Variants in CPED1 observed in about 807,000 individuals in gnomAD.
CPED1 encodes the protein cadherin like and PC-esterase domain containing 1, also known as cadherin-like and PC-esterase domain-containing protein 1.
In CPED1, 114 loss-of-function variants were observed where a neutral mutation model predicts 128.2. That is an observed-to-expected ratio of 0.89 (90% CI 0.76 to 1.04). The LOEUF is 1.04. Ranked by LOEUF, CPED1 falls within the 50% of genes least tolerant of loss-of-function variation. CPED1 has a pLI of 0.00. For missense variants in CPED1, 1,211 were observed against 1,207.1 expected (o/e 1.00, Z -0.05); for synonymous variants, 462 against 426.7 (o/e 1.08, Z -1.02).
chr7:121,154,718 G>A (rs1055303576), intron 16 of CPED1, among the ~76,000 whole-genome samples: 44 of 151,864 alleles, frequency 2.9e-4, no homozygotes, highest in Admixed American at 5.2e-4. Context: ...GCTAATTTTT[G>A]TATTTTTAGT....
intron 3 of CPED1, among the ~76,000 whole-genome samples, chr7:121,018,901 GCACCA>G (rs748056565): frequency 3.0e-4 from 46 of 152,034 alleles, no homozygotes; most frequent in Non-Finnish European, 6.5e-4. Context: ...CACTCACTTT[GCACCA>G]TCCTTTGAAG....
intron 22 of CPED1, among the ~76,000 whole-genome samples, chr7:121,293,868 C>T (rs959544406): frequency 2.0e-5 from 3 of 151,970 alleles, no homozygotes; most frequent in Non-Finnish European, 4.4e-5. Flanking sequence ...TGAGATGGAC[C>T]GGGTACCTCA....
intron 5 of CPED1, among the ~76,000 whole-genome samples, chr7:121,074,235 G>T (rs1033054642): frequency 5.3e-5 from 8 of 152,106 alleles, no homozygotes; most frequent in Non-Finnish European, 7.4e-5. Context: ...TTTAAAAGCA[G>T]TCTCTTACTG....
chr7:121,251,960 CTACTT>C (rs1226903302), intron 18 of CPED1, among the ~76,000 whole-genome samples: 2 of 151,778 alleles, frequency 1.3e-5, no homozygotes, highest in African/African-American at 2.4e-5. Context: ...TTGGAAAAAA[CTACTT>C]TAAAGTTCAT....
chr7:121,204,238 G>A (rs1454525153), intron 16 of CPED1, among the ~76,000 whole-genome samples: 1 of 152,030 alleles, frequency 6.6e-6, no homozygotes, highest in Non-Finnish European at 1.5e-5. Context: ...TTCTTGCTGG[G>A]GTGGCCAGAA....
chr7:121,057,405 CA>C (rs942100428), intron 4 of CPED1, among the ~76,000 whole-genome samples: 103 of 152,280 alleles, frequency 6.8e-4, no homozygotes, highest in Non-Finnish European at 1.3e-3. Flanking sequence ...AGGTACTGAG[CA>C]TAGTACCCTT....
chr7:121,191,021 T>A (rs1314140629), intron 16 of CPED1, among the ~76,000 whole-genome samples: 1 of 152,160 alleles, frequency 6.6e-6, no homozygotes, highest in East Asian at 1.9e-4. Context: ...GTTATAGTAT[T>A]GTTCCTTTAG....
intron 5 of CPED1, among the ~76,000 whole-genome samples, chr7:121,074,169 G>T (rs576044825): frequency 3.9e-5 from 6 of 152,208 alleles, no homozygotes; most frequent in South Asian, 4.2e-4. Context: ...TGCCTTCAAA[G>T]TGTAGAGCTC....
intron 3 of CPED1, among the ~76,000 whole-genome samples, chr7:121,022,231 A>T (rs990419439): frequency 4.6e-5 from 7 of 151,992 alleles, no homozygotes; most frequent in Non-Finnish European, 1.0e-4. Flanking sequence ...CACTCAGGAA[A>T]CTCATATTAA....
At chr7:121,291,748 A>G (rs926254545) in intron 22 of CPED1, among the ~76,000 whole-genome samples, 2 of 152,210 alleles carry the variant, frequency 1.3e-5, no homozygotes, top group African/African-American at 4.8e-5. Context: ...ATCAGCAAAC[A>G]GAGACAATTT....
chr7:121,295,834 T>C lies in CPED1; in HGVS notation c.*182T>C. 2 of 525,902 alleles carry C rather than the reference T, an allele frequency of 3.8e-6. No individual in the cohort carries two copies. The highest frequency in any genetic ancestry group is 6.8e-6 in the Non-Finnish European group (2 of 296,024). The allele number at this position is 525,902 out of a possible 1,614,324, so 32.6% of individuals were successfully genotyped here. ...ATAATGATAACACTTCTTACAGCTTTATGAATTCAAGATGTGACCTTGAAC... is the reference window on the plus strand; with the variant it reads ...ATAATGATAACACTTCTTACAGCTTCATGAATTCAAGATGTGACCTTGAAC... On this transcript the variant is annotated 3_prime_UTR_variant, in exon 23 of 23. Coordinates refer to ENST00000310396, the MANE Select transcript of CPED1 (RefSeq NM_024913.5).
chr7:121,256,128 AC>A (rs767365894), intron 18 of CPED1, among the ~76,000 whole-genome samples: 1,424 of 51,292 alleles, frequency 0.028, 43 homozygotes, highest in Non-Finnish European at 0.043. Flanking sequence ...AAAAAACAAA[AC>A]AAAAAAAAAA....
intron 16 of CPED1, among the ~76,000 whole-genome samples, chr7:121,202,574 C>A (rs1434327397): frequency 6.6e-6 from 1 of 152,082 alleles, no homozygotes; most frequent in Non-Finnish European, 1.5e-5. Flanking sequence ...TACAGTTGGG[C>A]TCCAGAATTT....
At chr7:121,279,944 C>T (rs1304080579) in intron 22 of CPED1, among the ~76,000 whole-genome samples, 2 of 152,138 alleles carry the variant, frequency 1.3e-5, no homozygotes, top group Admixed American at 1.3e-4. Context: ...CTGGAGAGCT[C>T]TTCTGACATG....
At chr7:121,154,655 C>T (rs1796242527) in intron 16 of CPED1, among the ~76,000 whole-genome samples, 3 of 152,074 alleles carry the variant, frequency 2.0e-5, no homozygotes, top group African/African-American at 7.2e-5. Context: ...AAGCGATTCT[C>T]CTGCCTCAGC....
At chr7:121,283,041 T>G (rs1792493421) in intron 22 of CPED1, among the ~76,000 whole-genome samples, 1 of 152,240 alleles carries the variant, frequency 6.6e-6, no homozygotes, top group Non-Finnish European at 1.5e-5. Context: ...TCTTTTTCAC[T>G]ATAACAATTA....
At chr7:121,026,166 A>G (rs1562996296) in intron 3 of CPED1, among the ~76,000 whole-genome samples, 1 of 152,188 alleles carries the variant, frequency 6.6e-6, no homozygotes, top group Non-Finnish European at 1.5e-5. Context: ...TGAGCAAATG[A>G]CAGTGGTATA....
chr7:121,167,791 G>T (rs892103736), intron 16 of CPED1, among the ~76,000 whole-genome samples: 3 of 147,334 alleles, frequency 2.0e-5, no homozygotes, highest in African/African-American at 7.6e-5. Flanking sequence ...GAGTGCAGTG[G>T]AGCGATCTCG....
chr7:121,275,657 C>A (rs1792316307), intron 22 of CPED1, among the ~76,000 whole-genome samples: 1 of 152,082 alleles, frequency 6.6e-6, no homozygotes, highest in South Asian at 2.1e-4. Flanking sequence ...ACTCAGTCAA[C>A]AAAAACCATC....
Sources: gnomAD v4.1 joint callset for allele counts (sites outside exome capture counted in the v4.1 genomes callset) on GRCh38, gnomAD v4.1.1 for gene constraint, MANE v1.5 for transcripts, NCBI Gene and HGNC (gene_info 2026-07-23, HGNC 2026-07-21) for gene names.